Variants in CDH4 observed in about 807,000 individuals in gnomAD.
CDH4 encodes the protein cadherin-4.
Under a neutral mutation model 86.0 loss-of-function variants are expected in CDH4, and 33 were observed. That is an observed-to-expected ratio of 0.38 (90% CI 0.29 to 0.51). CDH4 has a LOEUF of 0.51. Among genes scored for constraint, CDH4 ranks in the 20% least tolerant of loss-of-function variants. CDH4 has a pLI of 0.86. For synonymous variants in CDH4, 555 were observed against 549.4 expected, an observed-to-expected ratio of 1.01 and a Z score of -0.14; for missense variants, 1,114 against 1,307.4, an observed-to-expected ratio of 0.85 and a Z score of 2.28.
chr20:61,428,228 T>TG (rs1294505417), intron 2 of CDH4, among the ~76,000 whole-genome samples: 2 of 152,118 alleles, frequency 1.3e-5, no homozygotes, highest in Admixed American at 6.5e-5. Flanking sequence ...GACAGAAACA[T>TG]GCAGCACCTG....
intron 7 of CDH4, among the ~76,000 whole-genome samples, chr20:61,888,566 C>A (rs1984649801): frequency 6.6e-6 from 1 of 152,246 alleles, no homozygotes; most frequent in Non-Finnish European, 1.5e-5. Context: ...AGTCCAAGGC[C>A]TCAGGCCCAG....
intron 2 of CDH4, among the ~76,000 whole-genome samples, chr20:61,438,791 T>C (rs1291925248): frequency 6.6e-6 from 1 of 152,084 alleles, no homozygotes; most frequent in Non-Finnish European, 1.5e-5. Context: ...CCCAGCAGTG[T>C]CCAGAAAGAG....
At chr20:61,908,919 C>A (rs994190257) in intron 8 of CDH4, among the ~76,000 whole-genome samples, 7 of 152,236 alleles carry the variant, frequency 4.6e-5, no homozygotes, top group African/African-American at 1.4e-4. Flanking sequence ...TTTCTGTTTG[C>A]TGCACCTGAG....
At chr20:61,749,954 A>G (rs990054303) in intron 3 of CDH4, among the ~76,000 whole-genome samples, 4 of 152,256 alleles carry the variant, frequency 2.6e-5, no homozygotes, top group African/African-American at 9.6e-5. Flanking sequence ...CCAGCTGCTC[A>G]GGAGGCTGAG....
intron 7 of CDH4, among the ~76,000 whole-genome samples, chr20:61,888,983 A>G (rs2122846567): frequency 6.6e-6 from 1 of 152,156 alleles, no homozygotes; most frequent in Non-Finnish European, 1.5e-5. Context: ...ATGCTTTTTT[A>G]TTGTTCTCTC....
chr20:61,915,480 G>A (rs1248969299), intron 9 of CDH4, among the ~76,000 whole-genome samples: 2 of 152,166 alleles, frequency 1.3e-5, no homozygotes, highest in Non-Finnish European at 2.9e-5. Flanking sequence ...CCCAGCTGAC[G>A]GTCCCCAGCC....
chr20:61,696,973 C>A (rs761097545), intron 2 of CDH4, among the ~76,000 whole-genome samples: 2 of 152,164 alleles, frequency 1.3e-5, no homozygotes, highest in Non-Finnish European at 2.9e-5. Context: ...TGGACTAATG[C>A]AGCCACAAGT....
intron 2 of CDH4, chr20:61,570,305 A>G (rs775836929): frequency 4.4e-5 from 10 of 225,864 alleles, no homozygotes; most frequent in Non-Finnish European, 5.3e-5. Context: ...GAAAATCTTC[A>G]GGTGCCAGAA....
At chr20:61,920,096 GCATGT>G (rs1198025260) in intron 9 of CDH4, among the ~76,000 whole-genome samples, 1 of 150,794 alleles carries the variant, frequency 6.6e-6, no homozygotes. Flanking sequence ...TTGCGTGGAA[GCATGT>G]TGTGATTGGA....
At position 61,516,043 on chromosome 20, in the gene CDH4, C is replaced by T. The variant is rs998539769; in HGVS notation, c.170-227520C>T. Among the ~76,000 whole-genome samples the T allele has an allele frequency of 3.3e-5, 5 of 152,290 alleles. No individual in the cohort carries two copies. The highest frequency in any genetic ancestry group is 4.8e-5 in the African/African-American group (2 of 41,562). The stretch of plus-strand genomic sequence containing the variant: ...TTCCCCTGGGCTCTGGAACGCCCCC[C>T]CAATACGATTCCACCGCAGGCAGGC... On this transcript the variant is annotated intron_variant, in intron 2 of 15. Coordinates refer to ENST00000614565, the MANE Select transcript of CDH4 (RefSeq NM_001794.5). This position sits in a 1 kb window ranked among gnomAD's most constrained non-coding sequence, Gnocchi z 4.0.
intron 2 of CDH4, among the ~76,000 whole-genome samples, chr20:61,656,278 TGGGCAGGCGCGTGCTGGGG>T (rs1568737271): frequency 1.4e-5 from 1 of 70,642 alleles, no homozygotes; most frequent in East Asian, 3.5e-4. Flanking sequence ...CGTGCTGGGG[TGGGCAGGCGCGTGCTGGGG>T]TGGGTAGGCA....
chr20:61,279,562 T>A (rs1457090937), intron 2 of CDH4, among the ~76,000 whole-genome samples: 1 of 152,092 alleles, frequency 6.6e-6, no homozygotes, highest in Non-Finnish European at 1.5e-5. Context: ...GGAAGGCTCC[T>A]GCATCCTCTG....
At chr20:61,727,495 A>G (rs1474791057) in intron 2 of CDH4, among the ~76,000 whole-genome samples, 1 of 152,178 alleles carries the variant, frequency 6.6e-6, no homozygotes, top group Non-Finnish European at 1.5e-5. Context: ...CCTTTACCTT[A>G]GTCCACCTTT....
intron 9 of CDH4, among the ~76,000 whole-genome samples, chr20:61,916,050 T>C (rs142749316): frequency 5.9e-5 from 9 of 152,342 alleles, no homozygotes; most frequent in African/African-American, 1.7e-4. Context: ...GAAGTTTCAA[T>C]TTAGAATCTG....
At chr20:61,264,865 T>C (rs374549172) in intron 2 of CDH4, among the ~76,000 whole-genome samples, 747 of 72,512 alleles carry the variant, frequency 0.01, no homozygotes, top group East Asian at 0.012. Context: ...CCCAGTGGCT[T>C]CTTCATTCAG....
intron 4 of CDH4, among the ~76,000 whole-genome samples, chr20:61,795,831 GTGAA>G (rs1168041476): frequency 2.0e-5 from 3 of 152,222 alleles, no homozygotes; most frequent in Non-Finnish European, 4.4e-5. Flanking sequence ...TGTTGCATGA[GTGAA>G]TGAATGAATG....
intron 2 of CDH4, among the ~76,000 whole-genome samples, chr20:61,581,218 G>A (rs539471032): frequency 2.8e-4 from 43 of 152,298 alleles, no homozygotes; most frequent in Admixed American, 1.1e-3. Flanking sequence ...CCAGGGATCC[G>A]TGCATGATGT....
chr20:61,891,955 A>G (rs2122858354), intron 7 of CDH4, among the ~76,000 whole-genome samples: 1 of 152,340 alleles, frequency 6.6e-6, no homozygotes, highest in South Asian at 2.1e-4. Flanking sequence ...TTGGAGCCCA[A>G]GGTCAGCAAA....
At chr20:61,394,681 C>T (rs932456281) in intron 2 of CDH4, among the ~76,000 whole-genome samples, 2 of 151,722 alleles carry the variant, frequency 1.3e-5, no homozygotes, top group African/African-American at 4.8e-5. Context: ...CAGCCTTTCC[C>T]AGTGGGTGTT....
Sources: allele counts gnomAD v4.1 joint callset (sites outside exome capture counted in the v4.1 genomes callset), GRCh38; gene constraint gnomAD v4.1.1; non-coding constraint Gnocchi (gnomAD v3.1); transcripts MANE v1.5; gene names NCBI Gene and HGNC (gene_info 2026-07-23, HGNC 2026-07-21).